The following PCNX1 variants were observed in gnomAD, a reference collection of about 807,000 sequenced individuals.
PCNX1 encodes the protein pecanex-like protein 1.
PCNX1 carries 78 observed loss-of-function variants against 242.2 expected under a neutral mutation model. That is an observed-to-expected ratio of 0.32 (90% CI 0.27 to 0.39). The LOEUF is 0.39. Among genes scored for constraint, PCNX1 ranks in the 10% least tolerant of loss-of-function variants. The pLI, the probability that PCNX1 is intolerant of heterozygous loss-of-function variation, is 1.00. For missense variants in PCNX1, 2,581 were observed against 2,856.5 expected, an observed-to-expected ratio of 0.90 and a Z score of 2.20; for synonymous variants, 1,024 against 1,032.9, an observed-to-expected ratio of 0.99 and a Z score of 0.17.
At chr14:71,107,780 T>C (rs547589299) in intron 33 of PCNX1, among the ~76,000 whole-genome samples, 1 of 152,348 alleles carries the variant, frequency 6.6e-6, no homozygotes, top group East Asian at 1.9e-4. Context: ...TACTATACTT[T>C]GAGAAATAGT....
intron 5 of PCNX1, chr14:70,969,353 C>A: frequency 2.5e-6 from 1 of 406,662 alleles, no homozygotes; most frequent in Non-Finnish European, 4.4e-6. Flanking sequence ...TGAGCATATG[C>A]CCCAGAGTGA....
Position 71,114,848 on chromosome 14 carries a change from A to T in PCNX1, c.*4913A>T, listed in dbSNP as rs1312940755. On this transcript the variant is annotated 3_prime_UTR_variant, in exon 36 of 36. Coordinates refer to ENST00000304743, the MANE Select transcript of PCNX1 (RefSeq NM_014982.3). Reference sequence around the variant, plus strand: ...CAACAGAGTAGTGATAGAGCATAAGATGGCTGCTCCAGATGACTCTTGGGT... The same window carrying T: ...CAACAGAGTAGTGATAGAGCATAAGTTGGCTGCTCCAGATGACTCTTGGGT... The T allele has an allele frequency of 6.9e-6, 1 of 144,272 alleles. No individual in the cohort carries two copies. The highest frequency in any genetic ancestry group is 1.5e-5 in the Non-Finnish European group (1 of 66,720). The allele number at this position is 144,272 out of a possible 1,614,324, so 8.9% of individuals were successfully genotyped here. A position where few individuals can be genotyped will look rare whatever the true frequency, so the allele number is the denominator to read the frequency against.
At chr14:71,012,834 A>AG in intron 10 of PCNX1, 151 bp from the exon 11 acceptor site, 1 of 584,778 alleles carries the variant, frequency 1.7e-6, no homozygotes, top group Non-Finnish European at 2.9e-6. Flanking sequence ...AAAAAAAAAA[A>AG]AAAAGTGTAT....
rs1011267638 is a variant in PCNX1, at chr14:71,112,255, A to G, written c.*2320A>G. ...CCCCTCCTCCAAAAAAATTTTAAAC[A>G]CATCACATACTCTGAAAAGTCAGAT... On this transcript the variant is annotated 3_prime_UTR_variant, in exon 36 of 36. Transcript: ENST00000304743. 14 of 152,138 alleles carry G rather than the reference A, an allele frequency of 9.2e-5. No homozygotes were observed. Among genetic ancestry groups the G allele is most frequent in the Non-Finnish European group, 1.6e-4 (11 of 67,944 alleles). The allele number at this position is 152,138 out of a possible 1,614,324, so 9.4% of individuals were successfully genotyped here. A position where few individuals can be genotyped will look rare whatever the true frequency, so the allele number is the denominator to read the frequency against.
chr14:71,055,609 T>TCA (rs1555370523), intron 25 of PCNX1, 47 bp downstream of exon 25: 1 of 1,146,060 alleles, frequency 8.7e-7, no homozygotes, highest in Non-Finnish European at 1.3e-6. Flanking sequence ...AGGATTTGTT[T>TCA]TATATATATA....
chr14:71,041,498 T>C (rs569730584), intron 19 of PCNX1, among the ~76,000 whole-genome samples: 3 of 152,272 alleles, frequency 2.0e-5, no homozygotes, highest in East Asian at 3.9e-4. Context: ...TAGTTACTCA[T>C]AGTAGCCACT....
intron 11 of PCNX1, among the ~76,000 whole-genome samples, chr14:71,018,183 G>A (rs1026515038): frequency 2.0e-5 from 3 of 151,896 alleles, no homozygotes; most frequent in Non-Finnish European, 4.4e-5. Flanking sequence ...GATGTACTGA[G>A]CATTTTTTCA....
chr14:70,968,267 T>C, intron 4 of PCNX1, 24 bp downstream of exon 4: 1 of 1,578,920 alleles, frequency 6.3e-7, no homozygotes, highest in Non-Finnish European at 8.7e-7. Flanking sequence ...AACTTAAAAG[T>C]TGCACCTGCC....
Position 71,053,269 on chromosome 14 carries a change from T to C in PCNX1, c.4577+1257T>C, listed in dbSNP as rs1156829198. ...CCCCTTTATACTCTTTTTTTTTCTT[T>C]TCTTTTCTTTTTCTTTTTTTGAGAC... On this transcript the variant is annotated intron_variant, in intron 24 of 35. Coordinates refer to ENST00000304743, the MANE Select transcript of PCNX1 (RefSeq NM_014982.3). 3 of 453,030 alleles carry C rather than the reference T, an allele frequency of 6.6e-6. No homozygotes were observed. In the Admixed American group the frequency reaches 7.1e-5, roughly 11 times the overall value. 28.1% of individuals were successfully genotyped at this position (453,030 alleles called of 1,614,324 possible). A position where few individuals can be genotyped will look rare whatever the true frequency, so the allele number is the denominator to read the frequency against.
chr14:70,950,864 T>G (rs2057749993), intron 2 of PCNX1, among the ~76,000 whole-genome samples: 1 of 152,114 alleles, frequency 6.6e-6, no homozygotes, highest in Non-Finnish European at 1.5e-5. Context: ...AGCTCTTCTG[T>G]GTCAAATACT....
At chr14:71,057,337 C>T (rs1252508472) in intron 25 of PCNX1, among the ~76,000 whole-genome samples, 172 bp from the exon 26 acceptor site, 1 of 152,166 alleles carries the variant, frequency 6.6e-6, no homozygotes, top group East Asian at 1.9e-4. Context: ...AATTCAGAAA[C>T]CTTTTCCATT....
intron 20 of PCNX1, among the ~76,000 whole-genome samples, chr14:71,045,929 G>A (rs973172232): frequency 1.3e-5 from 2 of 151,906 alleles, no homozygotes; most frequent in African/African-American, 4.8e-5. Context: ...TTGTTCATTG[G>A]CCCCATTATC....
chr14:71,000,697 T>C (rs1399641182), intron 8 of PCNX1, among the ~76,000 whole-genome samples: 4 of 151,878 alleles, frequency 2.6e-5, no homozygotes. Context: ...TGGCTAATTT[T>C]GTATTTTTAG....
At chr14:71,098,803 G>A (rs1175159644) in intron 30 of PCNX1, among the ~76,000 whole-genome samples, 4 of 151,950 alleles carry the variant, frequency 2.6e-5, no homozygotes, top group Admixed American at 2.6e-4. Context: ...TTTCCCCGCT[G>A]CCTGATTGCT....
At chr14:70,909,137 A>C (rs765850847) in intron 1 of PCNX1, among the ~76,000 whole-genome samples, 1 of 152,190 alleles carries the variant, frequency 6.6e-6, no homozygotes, top group Non-Finnish European at 1.5e-5. Flanking sequence ...AGGACACCCA[A>C]TTCTTCCCTA....
At chr14:71,101,613 T>C (rs1218975225) in intron 30 of PCNX1, among the ~76,000 whole-genome samples, 2 of 152,022 alleles carry the variant, frequency 1.3e-5, no homozygotes, top group Non-Finnish European at 2.9e-5. Flanking sequence ...AAACACAATA[T>C]AGAGACCTTT....
intron 1 of PCNX1, among the ~76,000 whole-genome samples, chr14:70,934,542 G>A (rs1007295999): frequency 1.3e-5 from 2 of 152,086 alleles, no homozygotes; most frequent in African/African-American, 4.8e-5. Context: ...TCAGCCTCCT[G>A]TGAGTAGCTG....
chr14:70,983,350 G>C lies in PCNX1; in HGVS notation c.2311+4702G>C, dbSNP rs949113522. 3.3e-5 allele frequency among the ~76,000 whole-genome samples: 5 copies of C among 152,002 alleles called. No individual in the cohort carries two copies. In the South Asian group the frequency reaches 1.0e-3, roughly 32 times the overall value. On this transcript the variant is annotated intron_variant, in intron 6 of 35. Coordinates refer to ENST00000304743, the MANE Select transcript of PCNX1 (RefSeq NM_014982.3). Reference sequence around the variant, plus strand: ...GACGGAGTCTCACTCTATTGTCCAGGCTGGAGTGCAGTGGTACAATCACAG... The same window carrying C: ...GACGGAGTCTCACTCTATTGTCCAGCCTGGAGTGCAGTGGTACAATCACAG...
chr14:71,023,134 T>C, intron 12 of PCNX1, 66 bp from the exon 13 acceptor site: 2 of 1,163,300 alleles, frequency 1.7e-6, no homozygotes, highest in Admixed American at 1.7e-5. Flanking sequence ...TTCAGGCATT[T>C]TGAAAGTTGG....
Sources: allele counts gnomAD v4.1 joint callset (sites outside exome capture counted in the v4.1 genomes callset), GRCh38; gene constraint gnomAD v4.1.1; transcripts MANE v1.5; gene names NCBI Gene and HGNC (gene_info 2026-07-23, HGNC 2026-07-21).